The following MYO7A variants were observed in gnomAD, a reference collection of about 807,000 sequenced individuals.
MYO7A encodes the protein unconventional myosin-VIIa.
A neutral mutation model predicts 263.8 loss-of-function variants in MYO7A; 210 were observed. The ratio of observed to expected loss-of-function variants is 0.80; its 90% CI spans 0.71 to 0.89. The LOEUF (loss-of-function observed/expected upper bound fraction) is 0.89, where lower values mean the gene tolerates loss of function less well. MYO7A is among the 40% of genes least tolerant of loss of function. The pLI is 0.00. For synonymous variants in MYO7A, 1,239 were observed against 1,197.3 expected (o/e 1.03, Z -0.72); for missense variants, 2,820 against 2,968.3 (o/e 0.95, Z 1.16).
chr11:77,200,937 A>AG (rs1957018745), intron 35 of MYO7A, among the ~76,000 whole-genome samples: 1 of 151,540 alleles, frequency 6.6e-6, no homozygotes, highest in Non-Finnish European at 1.5e-5. Flanking sequence ...CTCAGTGGGG[A>AG]GGGGGGTGGG....
chr11:77,203,555 G>A (rs1291150095), intron 38 of MYO7A, among the ~76,000 whole-genome samples: 1 of 152,176 alleles, frequency 6.6e-6, no homozygotes, highest in African/African-American at 2.4e-5. Flanking sequence ...TGACCCATGT[G>A]ACCTGGAGGG....
chr11:77,182,678 C>G, intron 25 of MYO7A, 78 bp downstream of exon 25: 1 of 1,462,130 alleles, frequency 6.8e-7, no homozygotes, highest in African/African-American at 1.8e-5. Context: ...GCCTTGGGCT[C>G]CTCTGCAGAA....
intron 35 of MYO7A, 102 bp downstream of exon 35, chr11:77,199,920 G>A: frequency 8.4e-7 from 1 of 1,194,062 alleles, no homozygotes; most frequent in Non-Finnish European, 1.1e-6. Flanking sequence ...TGGAGGCTGG[G>A]AGATTTATGA....
chr11:77,211,454 G>A, intron 45 of MYO7A, 117 bp downstream of exon 45: 1 of 1,211,424 alleles, frequency 8.3e-7, no homozygotes, highest in Non-Finnish European at 1.1e-6. Flanking sequence ...TGTGGTTCTT[G>A]TACTTGATGA....
chr11:77,148,760 T>C (rs1458215493), intron 4 of MYO7A, among the ~76,000 whole-genome samples: 1 of 152,216 alleles, frequency 6.6e-6, no homozygotes, highest in African/African-American at 2.4e-5. Flanking sequence ...ATAATAAATC[T>C]ATTATAAGAT....
chr11:77,182,356 G>A lies in MYO7A; in HGVS notation c.3109-68G>A, dbSNP rs2276287. 831,530 of 1,507,196 alleles carry A rather than the reference G, an allele frequency of 0.55. 231,744 individuals are homozygous for A. The highest frequency in any genetic ancestry group is 0.64 in the Admixed American group (30,954 of 48,106). 93.4% of individuals were successfully genotyped at this position (1,507,196 alleles called of 1,614,324 possible). A position where few individuals can be genotyped will look rare whatever the true frequency, so the allele number is the denominator to read the frequency against. ...GTGTCTCCAGCCCACTCCCCAAACCGCCAGGTCATTTTGACAGCTTTAGCA... is the reference window on the plus strand; with the variant it reads ...GTGTCTCCAGCCCACTCCCCAAACCACCAGGTCATTTTGACAGCTTTAGCA... On this transcript the variant is annotated intron_variant, in intron 24 of 48. Coordinates refer to ENST00000409709, the MANE Select transcript of MYO7A (RefSeq NM_000260.4).
At chr11:77,179,155 G>C in intron 20 of MYO7A, 26 bp downstream of exon 20, 3 of 1,564,392 alleles carry the variant, frequency 1.9e-6, no homozygotes, top group Non-Finnish European at 2.6e-6. Flanking sequence ...GGCTGCTCTT[G>C]CCCAAACAGG....
intron 13 of MYO7A, 127 bp from the exon 14 acceptor site, chr11:77,162,726 T>A: frequency 7.8e-7 from 1 of 1,286,844 alleles, no homozygotes; most frequent in Non-Finnish European, 1.1e-6. Context: ...AGAGAGCGCC[T>A]ATGTGAGGTA....
chr11:77,182,678 C>T (rs1317578752), intron 25 of MYO7A, 78 bp downstream of exon 25: 44 of 1,462,058 alleles, frequency 3.0e-5, no homozygotes, highest in East Asian at 1.9e-4. Context: ...GCCTTGGGCT[C>T]CTCTGCAGAA....
chr11:77,162,730 T>A, intron 13 of MYO7A, 123 bp from the exon 14 acceptor site: 1 of 1,330,026 alleles, frequency 7.5e-7, no homozygotes. Context: ...AGCGCCTATG[T>A]GAGGTAGAAA....
At chr11:77,165,258 G>A (rs1460648709) in intron 14 of MYO7A, among the ~76,000 whole-genome samples, 1 of 152,196 alleles carries the variant, frequency 6.6e-6, no homozygotes, top group Non-Finnish European at 1.5e-5. Context: ...CCTATGTCCT[G>A]CTCTGTGCAG....
In MYO7A at chr11:77,214,747, G is replaced by T. The variant is rs756261169; in HGVS notation, c.*51G>T. 7.1e-6 allele frequency: 10 copies of T among 1,417,922 alleles called. No individual in the cohort carries two copies. Among genetic ancestry groups the T allele is most frequent in the Non-Finnish European group, 8.8e-6 (9 of 1,028,400 alleles). The allele number at this position is 1,417,922 out of a possible 1,614,324, so 87.8% of individuals were successfully genotyped here. A position where few individuals can be genotyped will look rare whatever the true frequency, so the allele number is the denominator to read the frequency against. The stretch of plus-strand genomic sequence containing the variant: ...ATGCCTGCTCTCGAGGCAGCAGTGG[G>T]TTCAGGCCCATCAGCTACCCCTGCA... On this transcript the variant is annotated 3_prime_UTR_variant, in exon 49 of 49. Transcript: ENST00000409709.
At chr11:77,200,849 A>G (rs1214948993) in intron 35 of MYO7A, among the ~76,000 whole-genome samples, 1 of 152,216 alleles carries the variant, frequency 6.6e-6, no homozygotes, top group Non-Finnish European at 1.5e-5. Context: ...TAACAGCAGT[A>G]ACAACTACTC....
rs1372403753 is a variant in MYO7A, at chr11:77,201,621, C to T, written c.5026C>T (p.Pro1676Ser). 6.2e-7 allele frequency: 1 copy of T among 1,613,504 alleles called. No homozygotes were observed. Residue 1676 changes from proline to serine, a missense_variant, in exon 36 of 49, where the codon CCA becomes TCA. Physicochemically the swap from Pro to Ser is moderately conservative, Grantham distance 74. Transcript: ENST00000409709. ...SVYVMPTVTMPPREIVALVTM... is the reference protein window; with the variant it reads ...SVYVMPTVTMSPREIVALVTM... ...GTACGTCATGCCCACTGTCACCATG[C>T]CACCGCGGGAGATTGTGGTATGTGG...
In MYO7A at chr11:77,142,714, C is replaced by T; in HGVS notation, c.24C>T (p.Asp8=). MVILQQG[D]HVWMDLRLGQ... The stretch of plus-strand genomic sequence containing the variant: ...AGACTCTCTCTCGCCCATAGGGGGA[C>T]CATGTGTGGATGGACCTGAGATTGG... The change falls in exon 3 of 49, where the codon GAC becomes GAT. Residue 8 remains aspartate, a synonymous_variant. Coordinates refer to ENST00000409709, the MANE Select transcript of MYO7A (RefSeq NM_000260.4). 2 of 1,609,618 alleles carry T rather than the reference C, an allele frequency of 1.2e-6. No individual in the cohort carries two copies. Among genetic ancestry groups the T allele is most frequent in the Non-Finnish European group, 8.5e-7 (1 of 1,178,152 alleles).
At chr11:77,198,313 A>G (rs1021095658) in intron 33 of MYO7A, among the ~76,000 whole-genome samples, 182 bp from the exon 34 acceptor site, 2 of 152,232 alleles carry the variant, frequency 1.3e-5, no homozygotes, top group African/African-American at 4.8e-5. Context: ...TCCCAATTGA[A>G]CACTCTCTTC....
At chr11:77,140,552 GC>G (rs1220763264) in intron 2 of MYO7A, among the ~76,000 whole-genome samples, 3 of 152,028 alleles carry the variant, frequency 2.0e-5, no homozygotes, top group East Asian at 3.8e-4. Flanking sequence ...TCTCACCGAG[GC>G]CCGCTCTGGG....
chr11:77,137,328 T>G (rs1034188723), intron 2 of MYO7A, among the ~76,000 whole-genome samples: 8 of 152,112 alleles, frequency 5.3e-5, no homozygotes, highest in Non-Finnish European at 1.0e-4. Flanking sequence ...ACCGTCTTTT[T>G]CGTTGCCATT....
chr11:77,187,211 G>C (rs1354313719), intron 27 of MYO7A, among the ~76,000 whole-genome samples: 1 of 152,216 alleles, frequency 6.6e-6, no homozygotes, highest in Non-Finnish European at 1.5e-5. Context: ...GATATTTCTA[G>C]TATTGCCAAA....
Sources: gnomAD v4.1 joint callset for allele counts (sites outside exome capture counted in the v4.1 genomes callset) on GRCh38, gnomAD v4.1.1 for gene constraint, MANE v1.5 for transcripts, NCBI Gene and HGNC (gene_info 2026-07-23, HGNC 2026-07-21) for gene names.